The following VWA8 variants were observed in gnomAD, a reference collection of about 807,000 sequenced individuals.
VWA8 encodes von Willebrand factor A domain-containing protein 8.
VWA8 carries 221 observed loss-of-function variants against 241.5 expected under a neutral mutation model. The observed-to-expected ratio is 0.91, with a 90% CI of 0.82 to 1.02. VWA8 has a LOEUF of 1.02. Among genes scored for constraint, VWA8 ranks in the 50% least tolerant of loss-of-function variants. The pLI is 0.00. For missense variants in VWA8, 2,322 were observed against 2,328.7 expected, an observed-to-expected ratio of 1.00 and a Z score of 0.06; for synonymous variants, 852 against 827.1, an observed-to-expected ratio of 1.03 and a Z score of -0.52.
intron 27 of VWA8, among the ~76,000 whole-genome samples, chr13:41,702,528 G>C (rs907685014): frequency 8.5e-5 from 13 of 152,174 alleles, no homozygotes; most frequent in African/African-American, 2.7e-4. Context: ...CTACTGTAAG[G>C]GTTGACAAAC....
intron 22 of VWA8, among the ~76,000 whole-genome samples, chr13:41,731,125 C>T (rs1295145829): frequency 6.6e-6 from 1 of 151,442 alleles, no homozygotes; most frequent in African/African-American, 2.4e-5. Flanking sequence ...TATCCTCAAC[C>T]CTGTCTTTGT....
intron 31 of VWA8, 141 bp from the exon 32 acceptor site, chr13:41,691,586 TA>T (rs1341243410): frequency 1.5e-5 from 19 of 1,226,666 alleles, no homozygotes; most frequent in Non-Finnish European, 1.9e-5. Flanking sequence ...AAATGTTAAT[TA>T]AAAAAACAGA....
At chr13:41,854,639 T>C (rs984561081) in intron 12 of VWA8, among the ~76,000 whole-genome samples, 9 of 152,278 alleles carry the variant, frequency 5.9e-5, no homozygotes, top group African/African-American at 2.2e-4. Context: ...TATATCGTAA[T>C]TTAATTTGAA....
intron 21 of VWA8, among the ~76,000 whole-genome samples, chr13:41,758,231 T>C (rs1052471446): frequency 6.6e-6 from 1 of 150,904 alleles, no homozygotes; most frequent in African/African-American, 2.4e-5. Flanking sequence ...ATGGTGTCTA[T>C]TGACCTTGTT....
intron 38 of VWA8, 128 bp from the exon 39 acceptor site, chr13:41,611,860 A>G: frequency 9.4e-7 from 1 of 1,061,120 alleles, no homozygotes; most frequent in Non-Finnish European, 1.3e-6. Context: ...AAACAGTCAA[A>G]TTACCTTCTG....
chr13:41,657,558 C>T (rs558162664), intron 37 of VWA8, among the ~76,000 whole-genome samples: 7 of 150,828 alleles, frequency 4.6e-5, no homozygotes, highest in South Asian at 2.1e-4. Flanking sequence ...GGCACAATCT[C>T]GGCTCACTGC....
intron 2 of VWA8, among the ~76,000 whole-genome samples, chr13:41,940,166 T>C (rs1027576971): frequency 2.6e-5 from 4 of 152,204 alleles, no homozygotes; most frequent in African/African-American, 9.6e-5. Flanking sequence ...GGTCCTACTT[T>C]CCTGGCTATG....
At chr13:41,906,867 C>CTT (rs1875746151) in intron 4 of VWA8, among the ~76,000 whole-genome samples, 1 of 152,076 alleles carries the variant, frequency 6.6e-6, no homozygotes. Flanking sequence ...TTAGCAAATT[C>CTT]TTTAATCTTT....
At chr13:41,929,879 T>C (rs544859989) in intron 2 of VWA8, among the ~76,000 whole-genome samples, 18 of 151,906 alleles carry the variant, frequency 1.2e-4, no homozygotes, top group Non-Finnish European at 2.2e-4. Flanking sequence ...CAAAAACAAA[T>C]AAGTGAGACT....
At chr13:41,839,449 C>G (rs1318954183) in intron 12 of VWA8, among the ~76,000 whole-genome samples, 3 of 152,150 alleles carry the variant, frequency 2.0e-5, no homozygotes. Context: ...TGGCTGCTCA[C>G]TCTGATGATA....
intron 16 of VWA8, among the ~76,000 whole-genome samples, chr13:41,812,885 A>G (rs887557280): frequency 1.3e-5 from 2 of 152,194 alleles, no homozygotes; most frequent in African/African-American, 4.8e-5. Flanking sequence ...ATAAATCATA[A>G]ATTACAATTC....
At chr13:41,851,872 T>C (rs1210286501) in intron 12 of VWA8, among the ~76,000 whole-genome samples, 1 of 152,218 alleles carries the variant, frequency 6.6e-6, no homozygotes, top group Admixed American at 6.5e-5. Context: ...TTGGCTATTA[T>C]GAATATGCCA....
chr13:41,843,531 CCATA>C (rs1872149093), intron 12 of VWA8, among the ~76,000 whole-genome samples: 1 of 152,100 alleles, frequency 6.6e-6, no homozygotes, highest in African/African-American at 2.4e-5. Flanking sequence ...ACTGAAAAAT[CCATA>C]CAAAGGATCA....
At chr13:41,600,807 A>T (rs181889136) in intron 40 of VWA8, among the ~76,000 whole-genome samples, 50 of 152,104 alleles carry the variant, frequency 3.3e-4, no homozygotes, top group African/African-American at 1.1e-3. Context: ...CTTCCCTCGC[A>T]TTCAGTGTCA....
chr13:41,788,960 T>C (rs1869330279), intron 17 of VWA8, among the ~76,000 whole-genome samples: 2 of 152,298 alleles, frequency 1.3e-5, no homozygotes, highest in South Asian at 2.1e-4. Context: ...ATAGCAAATA[T>C]GGCACGGATG....
intron 3 of VWA8, among the ~76,000 whole-genome samples, chr13:41,909,722 GACAAGC>G (rs940475971): frequency 2.6e-5 from 4 of 152,278 alleles, no homozygotes; most frequent in African/African-American, 7.2e-5. Flanking sequence ...CATTGGCCGT[GACAAGC>G]ACCAAAGTCT....
intron 3 of VWA8, 106 bp downstream of exon 3, chr13:41,911,932 T>A: frequency 8.1e-7 from 1 of 1,234,740 alleles, no homozygotes; most frequent in South Asian, 3.1e-5. Flanking sequence ...AGCATTTGTT[T>A]CAAATAATGA....
intron 24 of VWA8, among the ~76,000 whole-genome samples, chr13:41,724,367 G>T (rs2045415622): frequency 6.6e-6 from 1 of 152,034 alleles, no homozygotes; most frequent in Non-Finnish European, 1.5e-5. Flanking sequence ...AAGATTAAGA[G>T]GTTTGTGTGT....
At chr13:41,871,832 G>A (rs1355815057) in intron 9 of VWA8, among the ~76,000 whole-genome samples, 2 of 152,208 alleles carry the variant, frequency 1.3e-5, no homozygotes, top group African/African-American at 4.8e-5. Context: ...GTAATGGGAT[G>A]GCTGGGTCAA....
Sources: gnomAD v4.1 joint callset for allele counts (sites outside exome capture counted in the v4.1 genomes callset) on GRCh38, gnomAD v4.1.1 for gene constraint, MANE v1.5 for transcripts, NCBI Gene and HGNC (gene_info 2026-07-23, HGNC 2026-07-21) for gene names.